Variants in DHX29 observed in about 807,000 individuals in gnomAD.
DHX29 encodes the protein ATP-dependent RNA helicase DHX29.
A neutral mutation model predicts 167.9 loss-of-function variants in DHX29; 79 were observed. The observed-to-expected ratio is 0.47, with a 90% CI of 0.39 to 0.57. DHX29 has a LOEUF of 0.57. Among genes scored for constraint, DHX29 ranks in the 20% least tolerant of loss-of-function variants. The pLI is 0.00. For synonymous variants in DHX29, 530 were observed against 546.0 expected (o/e 0.97, Z 0.41); for missense variants, 1,347 against 1,593.4 (o/e 0.85, Z 2.63).
In DHX29 at chr5:55,267,175, C is replaced by T. The variant is rs760025061; in HGVS notation, c.3488G>A (p.Arg1163Lys). The T allele has an allele frequency of 2.5e-6, 4 of 1,612,954 alleles. No homozygotes were observed. The highest frequency in any genetic ancestry group is 3.4e-6 in the Non-Finnish European group (4 of 1,179,470). Residue 1163 changes from arginine (R) to lysine (K), a missense_variant, in exon 23 of 27, where the codon AGG (arginine) becomes AAG (lysine). Arg to Lys is a conservative substitution (Grantham distance 26). Around this residue, in one of 3 missense-constraint regions of DHX29, gnomAD observed 882 missense variants for 1,082.4 expected, o/e 0.81. Coordinates refer to ENST00000251636, the MANE Select transcript of DHX29 (RefSeq NM_019030.4). Reference protein sequence around the residue: ...GYRSEITYCRRNFLNRTSLLT... With the variant: ...GYRSEITYCRKNFLNRTSLLT... ...CAGTGATGTTCTATTAAGAAAGTTC[C>T]TCCGGCAGTATGTGATTTCAGAACG...
intron 10 of DHX29, among the ~76,000 whole-genome samples, chr5:55,284,144 C>A (rs999111848): frequency 5.9e-5 from 9 of 152,184 alleles, no homozygotes; most frequent in African/African-American, 1.9e-4. Context: ...GTCTCAGCTT[C>A]TGCATTTTTA....
At chr5:55,264,352 G>C (rs1746451901) in intron 23 of DHX29, among the ~76,000 whole-genome samples, 2 of 152,108 alleles carry the variant, frequency 1.3e-5, no homozygotes, top group South Asian at 4.1e-4. Flanking sequence ...CCGTTCCTAA[G>C]AACAGACTGA....
At chr5:55,285,671 A>C (rs1473401963) in intron 9 of DHX29, 25 bp downstream of exon 9, 11 of 1,535,596 alleles carry the variant, frequency 7.2e-6, no homozygotes, top group Non-Finnish European at 9.6e-6. Context: ...CAGTTAATTA[A>C]AAACAACAAC....
At chr5:55,259,987 C>G (rs13166628) in intron 25 of DHX29, 43 bp from the exon 26 acceptor site, 41,549 of 1,169,410 alleles carry the variant, frequency 0.036, 1,747 homozygotes, top group Admixed American at 0.14. Context: ...CAATCCAGGG[C>G]AGTGTGAATG....
rs1399742381 is a variant in DHX29, at chr5:55,259,787, T to C, written c.4057+61A>G. ...GAAAGTTTTTCCACACATTAATACA[T>C]AGGTATGTGTACACATACACATATG... On this transcript the variant is annotated intron_variant, in intron 26 of 26. Coordinates refer to ENST00000251636, the MANE Select transcript of DHX29 (RefSeq NM_019030.4). 9 of 934,962 alleles carry C rather than the reference T, an allele frequency of 9.6e-6. No homozygotes were observed. In the East Asian group the frequency reaches 9.8e-5, roughly 10 times the overall value. The allele number at this position is 934,962 out of a possible 1,614,324, so 57.9% of individuals were successfully genotyped here.
At position 55,283,693 on chromosome 5, in the gene DHX29, A is replaced by G. The variant is rs1353206013; in HGVS notation, c.1475T>C (p.Ile492Thr). 1.2e-6 allele frequency: 2 copies of G among 1,614,164 alleles called. No homozygotes were observed. The highest frequency in any genetic ancestry group is 1.1e-5 in the South Asian group (1 of 91,076). ...METNKPRDLF[I>T]AKLLNKLKQQ... is the part of the protein sequence containing the mutation. ...TTTCAGTTTATTCAGAAGTTTGGCA[A>G]TAAAAAGATCACGTGGTTTATTGGT... The change falls in exon 11 of 27, where the codon ATT becomes ACT. Residue 492 changes from isoleucine (I) to threonine (T), a missense_variant. This residue lies in a region of DHX29 where 882 missense variants were observed against 1,082.4 expected (regional missense o/e 0.81). Coordinates refer to ENST00000251636, the MANE Select transcript of DHX29 (RefSeq NM_019030.4).
At chr5:55,264,459 G>C (rs1411341462) in intron 23 of DHX29, among the ~76,000 whole-genome samples, 1 of 152,154 alleles carries the variant, frequency 6.6e-6, no homozygotes, top group Non-Finnish European at 1.5e-5. Context: ...CCAATATTTA[G>C]GGACATATAA....
intron 2 of DHX29, among the ~76,000 whole-genome samples, chr5:55,297,667 A>T (rs1425557793): frequency 6.6e-6 from 1 of 152,172 alleles, no homozygotes; most frequent in Non-Finnish European, 1.5e-5. Context: ...TCCTTGGACC[A>T]CCCTTGGGTT....
intron 5 of DHX29, 38 bp downstream of exon 5, chr5:55,295,341 G>T (rs1245802829): frequency 1.3e-6 from 2 of 1,496,698 alleles, no homozygotes; most frequent in Non-Finnish European, 1.9e-6. Flanking sequence ...GCTCCATTCT[G>T]ATTTTATACA....
In DHX29 at chr5:55,262,882, A is replaced by C; in HGVS notation, c.3576T>G (p.Ser1192=). Residue 1192 remains serine (S), a synonymous_variant, in exon 24 of 27, where the codon TCT becomes TCG. Transcript: ENST00000251636. ...CTTCCCAGCTGGTAGAAGTTGTGGA[A>C]GATGAAAATCCTGCTGCCTTAACCA... ...IKLVKAAGFS[S]STTSTSWEGN... 6.2e-7 allele frequency: 1 copy of C among 1,614,070 alleles called. No homozygotes were observed. Among genetic ancestry groups the C allele is most frequent in the Non-Finnish European group, 8.5e-7 (1 of 1,179,946 alleles).
chr5:55,275,901 C>T (rs900668575), intron 14 of DHX29, among the ~76,000 whole-genome samples: 1 of 146,902 alleles, frequency 6.8e-6, no homozygotes, highest in Non-Finnish European at 1.5e-5. Context: ...GGGACTTGCC[C>T]TATCCTGAGC....
chr5:55,256,586 C>T, intron 26 of DHX29, 46 bp from the exon 27 acceptor site: 2 of 1,555,068 alleles, frequency 1.3e-6, no homozygotes, highest in Non-Finnish European at 1.7e-6. Context: ...GCAACATTGT[C>T]TAATTTTCCA....
chr5:55,301,636 T>A (rs1163656609), intron 1 of DHX29, among the ~76,000 whole-genome samples: 2 of 139,416 alleles, frequency 1.4e-5, no homozygotes, highest in African/African-American at 5.5e-5. Context: ...TCGCTTGAAC[T>A]CAGAAGGCGG....
intron 1 of DHX29, among the ~76,000 whole-genome samples, chr5:55,306,157 C>T (rs1486926703): frequency 6.6e-6 from 1 of 152,186 alleles, no homozygotes; most frequent in Non-Finnish European, 1.5e-5. Flanking sequence ...GCTAACACTA[C>T]AATAAATCGC....
intron 6 of DHX29, among the ~76,000 whole-genome samples, chr5:55,291,197 G>C (rs554227362): frequency 1.8e-4 from 27 of 152,246 alleles, no homozygotes; most frequent in South Asian, 8.3e-4. Flanking sequence ...CAAAAACTAG[G>C]AAGAGTTTAA....
intron 1 of DHX29, among the ~76,000 whole-genome samples, chr5:55,301,274 T>C (rs1211426548): frequency 6.6e-6 from 1 of 152,186 alleles, no homozygotes; most frequent in Non-Finnish European, 1.5e-5. Context: ...ACAACCTCAC[T>C]GCATAATCAT....
At chr5:55,293,957 A>G in intron 6 of DHX29, 60 bp downstream of exon 6, 1 of 1,542,960 alleles carries the variant, frequency 6.5e-7, no homozygotes, top group East Asian at 2.3e-5. Flanking sequence ...AGGCTCAGAA[A>G]AGGAAATATA....
intron 18 of DHX29, among the ~76,000 whole-genome samples, chr5:55,271,660 C>T (rs769120941): frequency 2.0e-5 from 3 of 152,128 alleles, no homozygotes; most frequent in Non-Finnish European, 4.4e-5. Context: ...TCATTTTACC[C>T]ATTTACAAAT....
chr5:55,306,442 T>C (rs951291563), intron 1 of DHX29, among the ~76,000 whole-genome samples: 1 of 152,184 alleles, frequency 6.6e-6, no homozygotes, highest in Admixed American at 6.5e-5. Context: ...TACCTGCTCA[T>C]CCCGAGAAAA....
Sources: gnomAD v4.1 joint callset for allele counts (sites outside exome capture counted in the v4.1 genomes callset) on GRCh38, gnomAD v4.1.1 for gene constraint, gnomAD v4.1.1 regional missense constraint, MANE v1.5 for transcripts, NCBI Gene and HGNC (gene_info 2026-07-23, HGNC 2026-07-21) for gene names.